The following AIG1 variants were observed in gnomAD, a reference collection of about 807,000 sequenced individuals.
The protein encoded by AIG1 is androgen induced 1.
Under a neutral mutation model 31.4 loss-of-function variants are expected in AIG1, and 23 were observed. The ratio of observed to expected loss-of-function variants is 0.73; its 90% CI spans 0.53 to 1.04. AIG1 has a LOEUF of 1.04. Ranked by LOEUF, AIG1 falls within the 50% of genes least tolerant of loss-of-function variation. AIG1 has a pLI of 0.00. For synonymous variants in AIG1, 100 were observed against 110.5 expected (o/e 0.90, Z 0.60); for missense variants, 274 against 295.0 (o/e 0.93, Z 0.52).
chr6:143,320,952 G>T (rs910168375), intron 4 of AIG1, among the ~76,000 whole-genome samples: 3 of 151,736 alleles, frequency 2.0e-5, no homozygotes, highest in Admixed American at 1.3e-4. Flanking sequence ...CTCCCAAGTA[G>T]CTGGGATTAC....
In AIG1 at chr6:143,217,791, A is replaced by G. The variant is rs147951932; in HGVS notation, c.399+52608A>G. Among the ~76,000 whole-genome samples, 1,034 of 152,236 alleles carry G rather than the reference A, an allele frequency of 6.8e-3. 36 individuals are homozygous for G. The highest frequency in any genetic ancestry group is 0.059 in the Admixed American group (908 of 15,290). On this transcript the variant is annotated intron_variant, in intron 3 of 5. Transcript: ENST00000357847. The stretch of plus-strand genomic sequence containing the variant: ...CCCAAAGTGCGGGGATTACAGGCGT[A>G]AGCCACCACACCCGACCACTTTCCA...
intron 3 of AIG1, among the ~76,000 whole-genome samples, chr6:143,267,021 C>A (rs140978943): frequency 4.6e-5 from 7 of 152,266 alleles, no homozygotes; most frequent in African/African-American, 1.7e-4. Context: ...GAAAAGCGAC[C>A]CAGTCCTTGT....
chr6:143,146,458 C>T (rs1292775142), intron 2 of AIG1, among the ~76,000 whole-genome samples: 1 of 152,048 alleles, frequency 6.6e-6, no homozygotes, highest in Admixed American at 6.6e-5. Flanking sequence ...CACACTTCTT[C>T]CTTCCCTGCA....
chr6:143,060,560 C>T (rs995796029), upstream of AIG1: 2 of 358,068 alleles, frequency 5.6e-6, no homozygotes, highest in East Asian at 1.4e-4. Flanking sequence ...GCCCTCGTAG[C>T]ACTCAGAGGT....
intron 3 of AIG1, among the ~76,000 whole-genome samples, chr6:143,265,085 T>G (rs745311829): frequency 1.6e-4 from 25 of 152,228 alleles, no homozygotes; most frequent in Non-Finnish European, 1.0e-4. Flanking sequence ...CGGAGAGTCT[T>G]CCCAAAATCT....
At chr6:143,138,876 G>T (rs981169073) in intron 2 of AIG1, among the ~76,000 whole-genome samples, 25 of 142,484 alleles carry the variant, frequency 1.8e-4, no homozygotes, top group African/African-American at 6.6e-4. Context: ...CTGGGCAACA[G>T]AGCAAGACTC....
chr6:143,187,658 G>A (rs1036072365), intron 3 of AIG1: 36 of 1,535,910 alleles, frequency 2.3e-5, no homozygotes, highest in Admixed American at 1.6e-4. Flanking sequence ...TTCTTGGCAC[G>A]CTTTTCAAAC....
intron 3 of AIG1, among the ~76,000 whole-genome samples, chr6:143,272,665 A>C (rs1796615562): frequency 6.6e-6 from 1 of 152,244 alleles, no homozygotes; most frequent in African/African-American, 2.4e-5. Context: ...ATATTAAGGG[A>C]TTGCAGTCAG....
At chr6:143,210,239 C>T (rs1279032316) in intron 3 of AIG1, among the ~76,000 whole-genome samples, 1 of 152,178 alleles carries the variant, frequency 6.6e-6, no homozygotes, top group East Asian at 1.9e-4. Context: ...TTTATTTAGG[C>T]CAACCCAGCC....
intron 4 of AIG1, among the ~76,000 whole-genome samples, chr6:143,309,339 GA>G (rs1775075431): frequency 6.6e-6 from 1 of 152,038 alleles, no homozygotes; most frequent in Non-Finnish European, 1.5e-5. Flanking sequence ...TACACTAAAA[GA>G]AGAGCATAGA....
intron 1 of AIG1, among the ~76,000 whole-genome samples, chr6:143,132,187 A>G (rs1783300708): frequency 6.6e-6 from 1 of 152,146 alleles, no homozygotes; most frequent in Non-Finnish European, 1.5e-5. Flanking sequence ...AAAATCTTTT[A>G]TATTTATTTT....
chr6:143,315,593 G>A (rs1044885934), intron 4 of AIG1, among the ~76,000 whole-genome samples: 1 of 152,064 alleles, frequency 6.6e-6, no homozygotes, highest in South Asian at 2.1e-4. Context: ...TTAACAAATG[G>A]CACTGCAGCA....
intron 4 of AIG1, among the ~76,000 whole-genome samples, chr6:143,322,462 A>AT (rs1408846845): frequency 6.6e-6 from 1 of 152,116 alleles, no homozygotes; most frequent in African/African-American, 2.4e-5. Context: ...GAAAGAACAC[A>AT]TGTTCCCTAC....
At chr6:143,294,291 T>C (rs1798271067) in intron 4 of AIG1, among the ~76,000 whole-genome samples, 1 of 152,198 alleles carries the variant, frequency 6.6e-6, no homozygotes, top group African/African-American at 2.4e-5. Flanking sequence ...CCTGTACATC[T>C]AGCTGCTTCC....
intron 3 of AIG1, among the ~76,000 whole-genome samples, chr6:143,232,911 G>A (rs1350203664): frequency 1.3e-5 from 2 of 152,156 alleles, no homozygotes; most frequent in African/African-American, 4.8e-5. Flanking sequence ...CACTTAAAGC[G>A]ATGTCCTTTC....
At chr6:143,339,262 C>T (rs1000834079) in intron 5 of AIG1, 1 of 158,116 alleles carries the variant, frequency 6.3e-6, no homozygotes, top group African/African-American at 2.4e-5. Flanking sequence ...GTTTGAAACT[C>T]ATGAGTTGCA....
At chr6:143,140,054 G>A (rs1019331906) in intron 2 of AIG1, among the ~76,000 whole-genome samples, 1 of 152,202 alleles carries the variant, frequency 6.6e-6, no homozygotes, top group Non-Finnish European at 1.5e-5. Context: ...TCACATGGCT[G>A]TGGAGGCCTC....
At chr6:143,342,422 G>A, downstream of AIG1, 1 of 750,166 alleles carries the variant, frequency 1.3e-6, no homozygotes, top group East Asian at 2.4e-5. Context: ...AACCCAGTAA[G>A]GTTGAACCTC....
chr6:143,118,052 C>T (rs79405355), intron 1 of AIG1, among the ~76,000 whole-genome samples: 175 of 152,266 alleles, frequency 1.1e-3, no homozygotes, highest in Non-Finnish European at 1.5e-3. Context: ...ATAGTGATCT[C>T]GGCTTCTGAT....
Sources: gnomAD v4.1 joint callset for allele counts (sites outside exome capture counted in the v4.1 genomes callset) on GRCh38, gnomAD v4.1.1 for gene constraint, MANE v1.5 for transcripts, NCBI Gene and HGNC (gene_info 2026-07-23, HGNC 2026-07-21) for gene names.